Variants in LARP1B observed in about 807,000 individuals in gnomAD.
LARP1B encodes the protein La ribonucleoprotein 1B.
A neutral mutation model predicts 114.2 loss-of-function variants in LARP1B; 76 were observed. The observed-to-expected ratio is 0.67, with a 90% CI of 0.55 to 0.81. The LOEUF (loss-of-function observed/expected upper bound fraction) is 0.81. LARP1B is among the 30% of genes least tolerant of loss of function. LARP1B has a pLI of 0.00. For synonymous variants in LARP1B, 345 were observed against 348.0 expected (o/e 0.99, Z 0.10); for missense variants, 1,014 against 1,075.8 (o/e 0.94, Z 0.80).
At chr4:128,209,748 A>G in intron 19 of LARP1B, 108 bp from the exon 20 acceptor site, 1 of 812,874 alleles carries the variant, frequency 1.2e-6, no homozygotes, top group Non-Finnish European at 2.0e-6. Context: ...AAAAAATTAT[A>G]CTGAAGTGTC....
At chr4:128,074,598 G>T (rs1248385684) in intron 2 of LARP1B, 80 bp downstream of exon 2, 2 of 268,606 alleles carry the variant, frequency 7.4e-6, no homozygotes, top group African/African-American at 4.5e-5. Flanking sequence ...TATTATAAGT[G>T]TATTTTTCTT....
intron 14 of LARP1B, among the ~76,000 whole-genome samples, chr4:128,179,130 G>T (rs1747470397): frequency 6.6e-6 from 1 of 152,062 alleles, no homozygotes; most frequent in Non-Finnish European, 1.5e-5. Flanking sequence ...TTTACAATTG[G>T]ATAGTGTAAT....
At chr4:128,075,457 G>T (rs377276935) in intron 3 of LARP1B, among the ~76,000 whole-genome samples, 1 of 151,988 alleles carries the variant, frequency 6.6e-6, no homozygotes, top group African/African-American at 2.4e-5. Context: ...GTTATTCTTC[G>T]ATGCTGCCAG....
chr4:128,184,926 T>C (rs1163427581), intron 15 of LARP1B, among the ~76,000 whole-genome samples: 1 of 152,248 alleles, frequency 6.6e-6, no homozygotes, highest in African/African-American at 2.4e-5. Context: ...TTTTTATGGC[T>C]GAATAGTATT....
chr4:128,102,150 A>G (rs1244824605), intron 8 of LARP1B, among the ~76,000 whole-genome samples: 1 of 152,220 alleles, frequency 6.6e-6, no homozygotes, highest in Admixed American at 6.5e-5. Context: ...GTCTGCATTC[A>G]CTTAACATTC....
chr4:128,090,658 G>A (rs1775578525), intron 5 of LARP1B, among the ~76,000 whole-genome samples: 1 of 152,152 alleles, frequency 6.6e-6, no homozygotes, highest in African/African-American at 2.4e-5. Context: ...CGTGAGAAAT[G>A]TTTTTTAGCA....
chr4:128,138,535 A>G (rs899449498), intron 11 of LARP1B, among the ~76,000 whole-genome samples: 1 of 152,242 alleles, frequency 6.6e-6, no homozygotes, highest in African/African-American at 2.4e-5. Flanking sequence ...TAATAAGTCA[A>G]ATATTTGTGG....
At chr4:128,184,317 G>A (rs6850479) in intron 15 of LARP1B, among the ~76,000 whole-genome samples, 88,950 of 151,938 alleles carry the variant, frequency 0.59, 27,323 homozygotes, top group Middle Eastern at 0.8. Context: ...AGCAACCACC[G>A]CTCTGATCAG....
chr4:128,205,571 T>C (rs180869277), intron 17 of LARP1B, among the ~76,000 whole-genome samples: 32 of 152,336 alleles, frequency 2.1e-4, no homozygotes, highest in African/African-American at 7.2e-4. Context: ...ATTAGCAATA[T>C]ATCTACTATT....
chr4:128,146,893 G>A (rs938450033), intron 11 of LARP1B, among the ~76,000 whole-genome samples: 1 of 152,108 alleles, frequency 6.6e-6, no homozygotes. Flanking sequence ...CCTAAATAAC[G>A]AATATTCTAT....
At chr4:128,189,998 T>C (rs1474580935) in intron 15 of LARP1B, among the ~76,000 whole-genome samples, 1 of 152,250 alleles carries the variant, frequency 6.6e-6, no homozygotes, top group Non-Finnish European at 1.5e-5. Context: ...CATTCTGAAT[T>C]TGTCTACTTT....
intron 11 of LARP1B, among the ~76,000 whole-genome samples, chr4:128,141,828 CT>C (rs2150219076): frequency 6.6e-6 from 1 of 152,242 alleles, no homozygotes; most frequent in African/African-American, 2.4e-5. Context: ...TATTGGGGTC[CT>C]TGAGCCTTGG....
intron 1 of LARP1B, among the ~76,000 whole-genome samples, chr4:128,065,315 TTCTCTC>T (rs1197451841): frequency 5.0e-5 from 4 of 80,592 alleles, no homozygotes; most frequent in Middle Eastern, 5.7e-3. Flanking sequence ...CTTTCTTTCT[TTCTCTC>T]TCTCTCTCTC....
At chr4:128,103,885 A>G (rs897254848) in intron 8 of LARP1B, among the ~76,000 whole-genome samples, 2 of 149,258 alleles carry the variant, frequency 1.3e-5, no homozygotes. Flanking sequence ...TTTTTTATAA[A>G]AAACATGTGT....
intron 7 of LARP1B, among the ~76,000 whole-genome samples, chr4:128,096,047 GC>G (rs1359858702): frequency 7.1e-6 from 1 of 141,068 alleles, no homozygotes; most frequent in African/African-American, 2.7e-5. Flanking sequence ...AGGCTGGAGT[GC>G]AGTGGCACGA....
rs1437008783 is a variant in LARP1B, at chr4:128,200,634, C to T, written c.2278C>T (p.Leu760Phe). The change falls in exon 17 of 20, where the codon CTT (leucine) becomes TTT (phenylalanine). Residue 760 changes from leucine (L) to phenylalanine (F), a missense_variant. Physicochemically the swap from Leu to Phe is conservative, Grantham distance 22 (BLOSUM62 0). Coordinates refer to ENST00000326639, the MANE Select transcript of LARP1B (RefSeq NM_018078.4). The stretch of plus-strand genomic sequence containing the variant: ...AAAAATGTATGAGGAATTTAGACAA[C>T]TTGCTTGGGAAGATGCAAAAGAAAA... Reference protein sequence around the residue: ...NKKMYEEFRQLAWEDAKENYR... With the variant: ...NKKMYEEFRQFAWEDAKENYR... 5.0e-6 allele frequency: 8 copies of T among 1,584,462 alleles called. No homozygotes were observed. Among genetic ancestry groups the T allele is most frequent in the Non-Finnish European group, 6.0e-6 (7 of 1,168,488 alleles).
chr4:128,083,463 C>T (rs1156597150), intron 5 of LARP1B, among the ~76,000 whole-genome samples: 1 of 150,372 alleles, frequency 6.7e-6, no homozygotes, highest in African/African-American at 2.4e-5. Flanking sequence ...CCCCCACCTC[C>T]CTCCCGGACG....
intron 11 of LARP1B, chr4:128,122,952 C>T (rs1372415447): frequency 5.1e-6 from 5 of 983,374 alleles, no homozygotes; most frequent in Non-Finnish European, 6.0e-6. Flanking sequence ...AGAAAAGCCC[C>T]AATAGTTAAA....
At chr4:128,166,484 G>A (rs956636341) in intron 12 of LARP1B, among the ~76,000 whole-genome samples, 17 of 151,790 alleles carry the variant, frequency 1.1e-4, no homozygotes, top group African/African-American at 3.1e-4. Flanking sequence ...TATATAAGGT[G>A]TACAACATGA....
Sources: allele counts gnomAD v4.1 joint callset (sites outside exome capture counted in the v4.1 genomes callset), GRCh38; gene constraint gnomAD v4.1.1; transcripts MANE v1.5; gene names NCBI Gene and HGNC (gene_info 2026-07-23, HGNC 2026-07-21).